IQGAP3: variants seen among roughly 807,000 people sequenced by gnomAD.
The protein encoded by IQGAP3 is ras GTPase-activating-like protein IQGAP3.
In IQGAP3, 165 loss-of-function variants were observed where a neutral mutation model predicts 208.2. That is an observed-to-expected ratio of 0.79 (90% CI 0.70 to 0.90). The LOEUF is 0.90. IQGAP3 is among the 40% of genes least tolerant of loss of function. The pLI, the probability that IQGAP3 is intolerant of heterozygous loss-of-function variation, is 0.00. For missense variants in IQGAP3, 1,811 were observed against 2,043.1 expected (o/e 0.89, Z 2.19); for synonymous variants, 703 against 803.6 (o/e 0.87, Z 2.12).
At chr1:156,540,605 C>T (rs1674929119) in intron 23 of IQGAP3, 103 bp downstream of exon 23, 1 of 1,048,954 alleles carries the variant, frequency 9.5e-7, no homozygotes, top group African/African-American at 1.6e-5. Flanking sequence ...TGACAAAATC[C>T]ACAACATTTT....
At chr1:156,564,740 A>G (rs756409985) in intron 4 of IQGAP3, 49 bp from the exon 5 acceptor site, 7 of 1,320,798 alleles carry the variant, frequency 5.3e-6, no homozygotes, top group Non-Finnish European at 6.6e-6. Context: ...TTTAAGCACC[A>G]CCAAATGCGG....
Position 156,563,830 on chromosome 1 carries a change from A to G in IQGAP3, c.438-6T>C. The G allele has an allele frequency of 6.2e-7, 1 of 1,613,308 alleles. No individual in the cohort carries two copies. Among genetic ancestry groups the G allele is most frequent in the Non-Finnish European group, 8.5e-7 (1 of 1,179,494 alleles). ...CCAGCCGGAAGAGGAAGAGACTAGG[A>G]AAAAACGGAAGGCATTGGAAGGCAC... is the stretch of plus-strand genomic sequence containing the variant. On this transcript the variant is annotated splice_region_variant and splice_polypyrimidine_tract_variant and intron_variant, in intron 5 of 37. Transcript: ENST00000361170.
Position 156,529,006 on chromosome 1 carries a change from AG to A in IQGAP3, c.4480del (p.Leu1494Ter). On this transcript the variant is annotated frameshift_variant, in exon 35 of 38. Coordinates refer to ENST00000361170, the MANE Select transcript of IQGAP3 (RefSeq NM_178229.5). LOFTEE classifies it high-confidence loss of function. ...CTCATAGAAGGTGGTCTTAGTGCTC[AG>A]GCCCTGTAATGTGGCCTGCAGCTTC... is the stretch of plus-strand genomic sequence containing the variant. ...LVKLQATLQG[L>X]STKTTFYEEQ... is the part of the protein sequence containing the mutation. 2 of 1,614,230 alleles carry A rather than the reference AG, an allele frequency of 1.2e-6. No individual in the cohort carries two copies. The highest frequency in any genetic ancestry group is 1.7e-6 in the Non-Finnish European group (2 of 1,180,034).
At chr1:156,568,764 C>T (rs1295986918) in intron 2 of IQGAP3, among the ~76,000 whole-genome samples, 1 of 152,054 alleles carries the variant, frequency 6.6e-6, no homozygotes, top group Non-Finnish European at 1.5e-5. Flanking sequence ...CTAATTAAGC[C>T]AACATTCATT....
At position 156,526,859 on chromosome 1, in the gene IQGAP3, G is replaced by A. The variant is rs186118552; in HGVS notation, c.4783-260C>T. On this transcript the variant is annotated intron_variant, in intron 37 of 37. Transcript: ENST00000361170. ...TATTTATTTATTTTTTTGAGACGGAGTCTCACTCGGTCTCCCAGGCTACAG... is the reference window on the plus strand; with the variant it reads ...TATTTATTTATTTTTTTGAGACGGAATCTCACTCGGTCTCCCAGGCTACAG... Among the ~76,000 whole-genome samples, 6 of 152,152 alleles carry A rather than the reference G, an allele frequency of 3.9e-5. No homozygotes were observed. In the East Asian group the frequency reaches 1.2e-3, roughly 30 times the overall value.
chr1:156,543,127 TA>T (rs1373944178), intron 22 of IQGAP3, among the ~76,000 whole-genome samples: 4 of 151,664 alleles, frequency 2.6e-5, no homozygotes, highest in Non-Finnish European at 5.9e-5. Context: ...AAAAAGAAGA[TA>T]AAGAATGGCC....
intron 37 of IQGAP3, 63 bp downstream of exon 37, chr1:156,527,889 C>A: frequency 8.9e-7 from 1 of 1,127,848 alleles, no homozygotes; most frequent in Non-Finnish European, 1.3e-6. Flanking sequence ...GCCAGCTGCT[C>A]TCTTCAGGCC....
rs1557945624 is a variant in IQGAP3, at chr1:156,563,773, C to T, written c.489G>A (p.Gly163=). The change falls in exon 6 of 38, where the codon GGG becomes GGA. Residue 163 remains glycine (G), a synonymous_variant. Transcript: ENST00000361170. Reference sequence around the variant, plus strand: ...TGGGCTTACCTGTGAATTTCACTTTCCCGTATAGATCATGTATCTGAGGGG... The same window carrying T: ...TGGGCTTACCTGTGAATTTCACTTTTCCGTATAGATCATGTATCTGAGGGG... ...GLAPQIHDLY[G]KVKFTAEELS... is the part of the protein sequence containing the mutation. 1.9e-5 allele frequency: 30 copies of T among 1,614,006 alleles called. No individual in the cohort carries two copies. Among genetic ancestry groups the T allele is most frequent in the Non-Finnish European group, 2.5e-5 (29 of 1,179,952 alleles).
At chr1:156,567,969 A>G (rs1676482267) in intron 2 of IQGAP3, among the ~76,000 whole-genome samples, 1 of 152,234 alleles carries the variant, frequency 6.6e-6, no homozygotes, top group Non-Finnish European at 1.5e-5. Flanking sequence ...AGTTAATGGG[A>G]AATTTTATGA....
intron 25 of IQGAP3, 55 bp downstream of exon 25, chr1:156,539,319 C>T: frequency 6.5e-7 from 1 of 1,537,546 alleles, no homozygotes; most frequent in Non-Finnish European, 8.9e-7. Flanking sequence ...AAGGAGCCAA[C>T]AGGGGGATCT....
Position 156,539,445 on chromosome 1 carries a change from G to T in IQGAP3, c.2985C>A (p.Asn995Lys). 6.2e-7 allele frequency: 1 copy of T among 1,614,138 alleles called. No individual in the cohort carries two copies. The highest frequency in any genetic ancestry group is 1.1e-5 in the South Asian group (1 of 91,080). The change falls in exon 25 of 38, where the codon AAC (asparagine) becomes AAA (lysine). Residue 995 changes from asparagine to lysine, a missense_variant. Physicochemically the swap from Asn to Lys is moderately conservative, Grantham distance 94. Transcript: ENST00000361170. ...AGGCCTCTCGGCGGCTGGAGGCATA[G>T]TTGTACAGGCTGAAAATCACTGCCT... ...FMEAVIFSLY[N>K]YASSRREAYL...
Position 156,565,902 on chromosome 1 carries a change from A to G in IQGAP3, c.360+125T>C. ...CACAGCTGCAAGGAACTGTTCTCTT[A>G]GATTAAGTTAGTTTAGAAGACACAT... is the stretch of plus-strand genomic sequence containing the variant. On this transcript the variant is annotated intron_variant, in intron 4 of 37. Transcript: ENST00000361170. 3 of 737,978 alleles carry G rather than the reference A, an allele frequency of 4.1e-6. No individual in the cohort carries two copies. The South Asian group carries it at 4.8e-5, about 12-fold the overall frequency. The allele number at this position is 737,978 out of a possible 1,614,324, so 45.7% of individuals were successfully genotyped here.
In IQGAP3 at chr1:156,563,263, C is replaced by T; in HGVS notation, c.669G>A (p.Val223=). 1 of 1,611,732 alleles carries T rather than the reference C, an allele frequency of 6.2e-7. No homozygotes were observed. The highest frequency in any genetic ancestry group is 8.5e-7 in the Non-Finnish European group (1 of 1,178,156). The change falls in exon 8 of 38, where the codon GTG becomes GTA. Residue 223 remains valine, a synonymous_variant. Coordinates refer to ENST00000361170, the MANE Select transcript of IQGAP3 (RefSeq NM_178229.5). ...TCTGCAAGGCAGCCAGGGTGTCCTCCACCACCCCTCGCTCCACTGCTTCAT... is the reference window on the plus strand; with the variant it reads ...TCTGCAAGGCAGCCAGGGTGTCCTCTACCACCCCTCGCTCCACTGCTTCAT... ...AINEAVERGV[V]EDTLAALQNP... is the part of the protein sequence containing the mutation.
rs1675398080 is a variant in IQGAP3, at chr1:156,548,712, T to C, written c.1862A>G (p.Lys621Arg). Reference protein sequence around the residue: ...LGVAAINQAIKEGKAAQTERV... With the variant: ...LGVAAINQAIREGKAAQTERV... ...CTCAGTCTGGGCTGCCTTGCCCTCCTTGATGGCTTGATTGATGGCAGCCAC... is the reference window on the plus strand; with the variant it reads ...CTCAGTCTGGGCTGCCTTGCCCTCCCTGATGGCTTGATTGATGGCAGCCAC... The change falls in exon 17 of 38, where the codon AAG becomes AGG. Residue 621 changes from lysine (K) to arginine (R), a missense_variant. Physicochemically the swap from Lys to Arg is conservative, Grantham distance 26. Coordinates refer to ENST00000361170, the MANE Select transcript of IQGAP3 (RefSeq NM_178229.5). 6.3e-7 allele frequency: 1 copy of C among 1,595,238 alleles called. No homozygotes were observed. Among genetic ancestry groups the C allele is most frequent in the Non-Finnish European group, 8.5e-7 (1 of 1,169,848 alleles).
chr1:156,561,826 A>G lies in IQGAP3; in HGVS notation c.1041+12T>C. 6.2e-7 allele frequency: 1 copy of G among 1,613,578 alleles called. No individual in the cohort carries two copies. Among genetic ancestry groups the G allele is most frequent in the Non-Finnish European group, 8.5e-7 (1 of 1,179,694 alleles). ...ACATACAGGGGGTGGCAGGTAATAG[A>G]CAGAGGCTAACCTGTGCCTTCTGCT... On this transcript the variant is annotated intron_variant, in intron 10 of 37. Transcript: ENST00000361170.
In IQGAP3 at chr1:156,566,107, G is replaced by A. The variant is rs1413661864; in HGVS notation, c.283-3C>T. 6.2e-7 allele frequency: 1 copy of A among 1,613,078 alleles called. No individual in the cohort carries two copies. The highest frequency in any genetic ancestry group is 2.2e-5 in the East Asian group (1 of 44,876). ...TGACGGAAATGTAAGCCAGTTGCCTGAAAGGGAAGGAAAAAGAAAATCTAT... is the reference window on the plus strand; with the variant it reads ...TGACGGAAATGTAAGCCAGTTGCCTAAAAGGGAAGGAAAAAGAAAATCTAT... On this transcript the variant is annotated splice_polypyrimidine_tract_variant and splice_region_variant and intron_variant, in intron 3 of 37. Coordinates refer to ENST00000361170, the MANE Select transcript of IQGAP3 (RefSeq NM_178229.5).
At position 156,535,153 on chromosome 1, in the gene IQGAP3, C is replaced by T. The variant is rs1557921261; in HGVS notation, c.3507+10G>A. ...GGATTGGGAGGTGGGGGTGGGGAGA[C>T]AACACTTGCCTTATAGACCTCGCTG... On this transcript the variant is annotated intron_variant, in intron 28 of 37. Transcript: ENST00000361170. 1 of 1,606,356 alleles carries T rather than the reference C, an allele frequency of 6.2e-7. No homozygotes were observed. The highest frequency in any genetic ancestry group is 2.2e-5 in the East Asian group (1 of 44,812).
chr1:156,531,429 G>T (rs151002769), intron 32 of IQGAP3, among the ~76,000 whole-genome samples, 182 bp from the exon 33 acceptor site: 234 of 152,076 alleles, frequency 1.5e-3, no homozygotes, highest in African/African-American at 5.2e-3. Context: ...CAAACTATCT[G>T]CCTTTGAGTC....
At chr1:156,529,916 C>CAAAAAAA (rs57536386) in intron 34 of IQGAP3, among the ~76,000 whole-genome samples, 189 bp downstream of exon 34, 8,976 of 68,302 alleles carry the variant, frequency 0.13, 1,344 homozygotes, top group African/African-American at 0.31. Flanking sequence ...GAGACTGTCT[C>CAAAAAAA]AAAAAAAAAA....
Sources: gnomAD v4.1 joint callset for allele counts (sites outside exome capture counted in the v4.1 genomes callset) on GRCh38, gnomAD v4.1.1 for gene constraint, MANE v1.5 for transcripts, NCBI Gene and HGNC (gene_info 2026-07-23, HGNC 2026-07-21) for gene names.